The following NCOA1 variants were observed in gnomAD, a reference collection of about 807,000 sequenced individuals.
The protein encoded by NCOA1 is Hin-2 protein.
Under a neutral mutation model 150.9 loss-of-function variants are expected in NCOA1, and 35 were observed. That is an observed-to-expected ratio of 0.23 (90% CI 0.18 to 0.31). NCOA1 has a LOEUF of 0.31. NCOA1 is among the 10% of genes least tolerant of loss of function. The pLI, the probability that NCOA1 is intolerant of heterozygous loss-of-function variation, is 1.00. For missense variants in NCOA1, 1,491 were observed against 1,749.3 expected (o/e 0.85, Z 2.63); for synonymous variants, 590 against 630.0 (o/e 0.94, Z 0.95).
intron 3 of NCOA1, among the ~76,000 whole-genome samples, chr2:24,622,568 A>T (rs1038385021): frequency 1.3e-5 from 2 of 152,206 alleles, no homozygotes; most frequent in African/African-American, 4.8e-5. Context: ...AGAAGGATAT[A>T]CCAATTTCTA....
chr2:24,733,994 G>A (rs931200954), intron 17 of NCOA1, among the ~76,000 whole-genome samples: 2 of 152,076 alleles, frequency 1.3e-5, no homozygotes, highest in Non-Finnish European at 2.9e-5. Context: ...AGACCAGCCT[G>A]GCCAACATGG....
At chr2:24,526,041 A>G (rs777013018) in intron 1 of NCOA1, among the ~76,000 whole-genome samples, 1 of 151,944 alleles carries the variant, frequency 6.6e-6, no homozygotes, top group Non-Finnish European at 1.5e-5. Flanking sequence ...CTGTCTTCCT[A>G]TATGCTTCTC....
intron 21 of NCOA1, among the ~76,000 whole-genome samples, chr2:24,760,306 ATTT>A (rs70947842): frequency 0.03 from 2,963 of 99,766 alleles, 31 homozygotes; most frequent in African/African-American, 0.045. Flanking sequence ...TGCCCGGCTA[ATTT>A]TTTTTTTTTT....
At position 24,729,503 on chromosome 2, in the gene NCOA1, G is replaced by C. The variant is rs751056149; in HGVS notation, c.2889G>C (p.Gly963=). The change falls in exon 17 of 23, where the codon GGG becomes GGC. Residue 963 remains glycine (G), a splice_region_variant and synonymous_variant. Transcript: ENST00000348332. The part of the protein sequence containing the change: ...RALGIDKLVQ[G]GGLDVLSERF... The stretch of plus-strand genomic sequence containing the variant: ...TATTCTGGCTTCTTTTCTAACAGGG[G>C]GGTGGATTAGATGTATTATCAGAGA... 1 of 1,610,754 alleles carries C rather than the reference G, an allele frequency of 6.2e-7. No homozygotes were observed. Among genetic ancestry groups the C allele is most frequent in the Non-Finnish European group, 8.5e-7 (1 of 1,177,228 alleles).
intron 17 of NCOA1, among the ~76,000 whole-genome samples, chr2:24,737,000 T>C (rs1011361373): frequency 2.6e-5 from 4 of 152,132 alleles, no homozygotes; most frequent in African/African-American, 9.7e-5. Flanking sequence ...TGTGTTTATT[T>C]TATACTTAGG....
At chr2:24,728,753 C>T (rs771807601) in intron 16 of NCOA1, among the ~76,000 whole-genome samples, 3 of 152,196 alleles carry the variant, frequency 2.0e-5, no homozygotes, top group Non-Finnish European at 2.9e-5. Flanking sequence ...CATTTTAGAG[C>T]TTAATTTATC....
intron 1 of NCOA1, among the ~76,000 whole-genome samples, chr2:24,537,966 C>G (rs972149109): frequency 6.6e-6 from 1 of 152,302 alleles, no homozygotes; most frequent in African/African-American, 2.4e-5. Context: ...CAAAAACAAA[C>G]TGACAAATAC....
chr2:24,616,395 A>G (rs964941619), intron 3 of NCOA1, among the ~76,000 whole-genome samples: 5 of 152,210 alleles, frequency 3.3e-5, no homozygotes, highest in South Asian at 4.1e-4. Context: ...AATGTTCCCA[A>G]TAAAATAGCA....
chr2:24,515,473 G>A (rs888968936), intron 1 of NCOA1, among the ~76,000 whole-genome samples: 2 of 152,142 alleles, frequency 1.3e-5, no homozygotes, highest in Non-Finnish European at 2.9e-5. Context: ...TTGGGCTCAA[G>A]CAGTCCTCCT....
chr2:24,600,042 C>T (rs560698022), intron 3 of NCOA1, among the ~76,000 whole-genome samples: 1 of 152,126 alleles, frequency 6.6e-6, no homozygotes, highest in Admixed American at 6.5e-5. Flanking sequence ...TTTTTATATG[C>T]CTAAGCCTTA....
intron 3 of NCOA1, among the ~76,000 whole-genome samples, chr2:24,609,639 T>TA (rs1323061340): frequency 1.3e-5 from 2 of 151,974 alleles, no homozygotes; most frequent in Non-Finnish European, 1.5e-5. Context: ...TCTTAAAAAA[T>TA]AAAAAAGGAC....
rs992740561 is a variant in NCOA1 at position 24,707,081 on chromosome 2, A to C, written c.1611A>C (p.Pro537=). ...ATAACCGATCTTATTCAAACATCCC[A>C]GTAACATCTTTACAGGGTATGAATG... ...NNNNRSYSNI[P]VTSLQGMNEG... is the part of the protein sequence containing the mutation. The change falls in exon 13 of 23, where the codon CCA becomes CCC. Residue 537 remains proline, a synonymous_variant. Transcript: ENST00000348332. The C allele has an allele frequency of 3.1e-6, 5 of 1,614,148 alleles. No homozygotes were observed. In the South Asian group the frequency reaches 4.4e-5, roughly 14 times the overall value.
rs538521530 is a variant in NCOA1, at chr2:24,656,005, G to A, written c.-17-2656G>A. On this transcript the variant is annotated intron_variant, in intron 4 of 22. Transcript: ENST00000348332. ...CGGGAGGCTGAGGCAGGAGAATGGC[G>A]TGAACCCGGGAGGCGGAGCTTGCAG... is the stretch of plus-strand genomic sequence containing the variant. Among the ~76,000 whole-genome samples, 14 of 150,920 alleles carry A rather than the reference G, an allele frequency of 9.3e-5. No individual in the cohort carries two copies. In the South Asian group the frequency reaches 1.0e-3, roughly 11 times the overall value.
chr2:24,505,189 T>C (rs1417127518), intron 1 of NCOA1, among the ~76,000 whole-genome samples: 1 of 151,906 alleles, frequency 6.6e-6, no homozygotes, highest in Non-Finnish European at 1.5e-5. Flanking sequence ...TTTTTCTTTT[T>C]TCTTTTTTTT....
chr2:24,559,956 A>G (rs1284387614), intron 1 of NCOA1, among the ~76,000 whole-genome samples: 1 of 152,074 alleles, frequency 6.6e-6, no homozygotes, highest in Non-Finnish European at 1.5e-5. Flanking sequence ...TTCTTCTCCT[A>G]GTGGCTTGAG....
chr2:24,761,385 C>T (rs1408290595), intron 21 of NCOA1, among the ~76,000 whole-genome samples: 1 of 152,156 alleles, frequency 6.6e-6, no homozygotes, highest in Admixed American at 6.5e-5. Context: ...TTTGCAATAT[C>T]TAATCTGTTT....
At chr2:24,586,790 T>A (rs535006600) in intron 3 of NCOA1, among the ~76,000 whole-genome samples, 1 of 152,128 alleles carries the variant, frequency 6.6e-6, no homozygotes, top group Non-Finnish European at 1.5e-5. Flanking sequence ...TCTACACATA[T>A]GCAACTTGGA....
chr2:24,576,173 T>TTTTTTTTTTTTTTTTTTTTTTTTTG (rs1558806620), intron 2 of NCOA1, among the ~76,000 whole-genome samples: 1 of 40,954 alleles, frequency 2.4e-5, no homozygotes, highest in Admixed American at 3.9e-4. Flanking sequence ...GTTTTTTGTT[T>TTTTTTTTTTTTTTTTTTTTTTTTTG]TTTTTTTTTT....
At chr2:24,642,334 TA>T (rs58499448) in intron 3 of NCOA1, among the ~76,000 whole-genome samples, 74 of 139,822 alleles carry the variant, frequency 5.3e-4, no homozygotes, top group African/African-American at 1.7e-3. Flanking sequence ...TATATATATA[TA>T]TTTTTTAAAA....
Sources: allele counts gnomAD v4.1 joint callset (sites outside exome capture counted in the v4.1 genomes callset), GRCh38; gene constraint gnomAD v4.1.1; transcripts MANE v1.5; gene names NCBI Gene and HGNC (gene_info 2026-07-23, HGNC 2026-07-21).